Variants in ANKRD31 observed in about 807,000 individuals in gnomAD.
ANKRD31 encodes the protein ankyrin repeat domain 31, also known as ankyrin repeat domain-containing protein 31.
Under a neutral mutation model 186.0 loss-of-function variants are expected in ANKRD31, and 147 were observed. That is an observed-to-expected ratio of 0.79 (90% CI 0.69 to 0.91). The LOEUF is 0.91. Ranked by LOEUF, ANKRD31 falls within the 40% of genes least tolerant of loss-of-function variation. The pLI is 0.00. For missense variants in ANKRD31, 1,986 were observed against 2,148.8 expected (o/e 0.92, Z 1.50); for synonymous variants, 673 against 736.4 (o/e 0.91, Z 1.39).
intron 22 of ANKRD31, among the ~76,000 whole-genome samples, chr5:75,098,303 T>C (rs1236086158): frequency 6.6e-6 from 1 of 152,196 alleles, no homozygotes; most frequent in Non-Finnish European, 1.5e-5. Flanking sequence ...TCTGTTTTGG[T>C]ACCAGTACCA....
rs768237186 is a variant in ANKRD31 at position 75,104,425 on chromosome 5, G to A, written c.5134C>T (p.Leu1712Phe). Residue 1712 changes from leucine to phenylalanine, a missense_variant, in exon 22 of 26, where the codon CTT becomes TTT. Coordinates refer to ENST00000506364, the MANE Select transcript of ANKRD31 (RefSeq NM_001372053.1). ...GGAACAACAGAAACTGATTTTTTAA[G>A]ATATGGTTTCATCTGATGCACTGTA... Reference protein sequence around the residue: ...SDTVHQMKPYLKKSVSVVPCA... With the variant: ...SDTVHQMKPYFKKSVSVVPCA... 1.1e-5 allele frequency: 17 copies of A among 1,537,064 alleles called. No homozygotes were observed. The East Asian group carries it at 1.2e-4, about 11-fold the overall frequency.
intron 15 of ANKRD31, among the ~76,000 whole-genome samples, chr5:75,140,327 A>AAGGAAGGAAGGT (rs1561469144): frequency 6.6e-6 from 1 of 150,724 alleles, no homozygotes; most frequent in Non-Finnish European, 1.5e-5. Flanking sequence ...GGAAGGAAGG[A>AAGGAAGGAAGGT]AGGTAGGAAG....
intron 17 of ANKRD31, among the ~76,000 whole-genome samples, chr5:75,122,021 T>C (rs1180818627): frequency 6.6e-6 from 1 of 151,916 alleles, no homozygotes; most frequent in African/African-American, 2.4e-5. Context: ...GATCACTGAA[T>C]TGAAAAGTCA....
intron 4 of ANKRD31, among the ~76,000 whole-genome samples, chr5:75,208,543 C>A (rs1756401745): frequency 6.6e-6 from 1 of 152,064 alleles, no homozygotes; most frequent in African/African-American, 2.4e-5. Context: ...AAAATCCCCT[C>A]CCTAGGAATC....
chr5:75,100,074 C>T (rs1309493390), intron 22 of ANKRD31, among the ~76,000 whole-genome samples: 1 of 152,152 alleles, frequency 6.6e-6, no homozygotes, highest in African/African-American at 2.4e-5. Context: ...CTATAAATTT[C>T]CCTCTACACA....
At chr5:75,136,055 TA>T (rs1246737811) in intron 17 of ANKRD31, among the ~76,000 whole-genome samples, 2 of 151,928 alleles carry the variant, frequency 1.3e-5, no homozygotes, top group Non-Finnish European at 2.9e-5. Flanking sequence ...CCTAAAACCA[TA>T]AAAACCGCAG....
chr5:75,162,375 A>G (rs1030235857), intron 11 of ANKRD31, among the ~76,000 whole-genome samples: 3 of 152,046 alleles, frequency 2.0e-5, no homozygotes, highest in Non-Finnish European at 2.9e-5. Flanking sequence ...ATTTTGGCCA[A>G]TTTCTCTCAT....
chr5:75,232,532 C>T (rs1233269474), intron 1 of ANKRD31, among the ~76,000 whole-genome samples: 1 of 151,068 alleles, frequency 6.6e-6, no homozygotes, highest in Admixed American at 6.6e-5. Context: ...GGGATTACAG[C>T]TGTGAGCGAC....
chr5:75,095,787 T>G (rs1746274045), intron 22 of ANKRD31, among the ~76,000 whole-genome samples: 1 of 152,166 alleles, frequency 6.6e-6, no homozygotes, highest in Non-Finnish European at 1.5e-5. Context: ...AATTTATAAA[T>G]TAAACTTTAT....
Position 75,147,092 on chromosome 5 carries a change from A to G in ANKRD31, c.2319T>C (p.His773=), listed in dbSNP as rs148791722. 23 of 1,536,360 alleles carry G rather than the reference A, an allele frequency of 1.5e-5. No homozygotes were observed. Among genetic ancestry groups the G allele is most frequent in the Non-Finnish European group, 1.9e-5 (22 of 1,146,354 alleles). ...VTYQQHIPET[H]NDLPEELCEP... ...CACACAATTCTTCTGGAAGGTCATT[A>G]TGAGTTTCTGGAATATGCTGCTGAT... The change falls in exon 14 of 26, where the codon CAT becomes CAC. Residue 773 remains histidine, a synonymous_variant. Transcript: ENST00000506364.
At chr5:75,116,772 AGTCAAGTCTG>A (rs933309203) in intron 18 of ANKRD31, 91 bp from the exon 19 acceptor site, 439 of 606,582 alleles carry the variant, frequency 7.2e-4, no homozygotes, top group African/African-American at 6.0e-3. Flanking sequence ...GAGAAGGATA[AGTCAAGTCTG>A]CAACTATTAT....
intron 12 of ANKRD31, among the ~76,000 whole-genome samples, chr5:75,153,578 A>G (rs989692675): frequency 1.6e-4 from 24 of 152,222 alleles, no homozygotes; most frequent in African/African-American, 5.5e-4. Context: ...TGGCCAGCTG[A>G]TAACAGGAAC....
intron 22 of ANKRD31, among the ~76,000 whole-genome samples, chr5:75,096,930 G>A (rs1160735021): frequency 2.0e-5 from 3 of 151,146 alleles, no homozygotes; most frequent in African/African-American, 4.9e-5. Context: ...CTGTCCTTGC[G>A]ATAATTTGCT....
At chr5:75,115,695 A>G (rs1748176331) in intron 19 of ANKRD31, among the ~76,000 whole-genome samples, 1 of 152,068 alleles carries the variant, frequency 6.6e-6, no homozygotes, top group African/African-American at 2.4e-5. Context: ...AATGCAAATC[A>G]AAACCACAAT....
chr5:75,125,158 A>T (rs1382270325), intron 17 of ANKRD31, among the ~76,000 whole-genome samples: 1 of 152,168 alleles, frequency 6.6e-6, no homozygotes, highest in African/African-American at 2.4e-5. Flanking sequence ...AACTAGCTCC[A>T]TAATACCCTG....
At chr5:75,155,550 C>T (rs924453214) in intron 11 of ANKRD31, among the ~76,000 whole-genome samples, 12 of 152,066 alleles carry the variant, frequency 7.9e-5, no homozygotes, top group Non-Finnish European at 1.8e-4. Context: ...TTCCCAGAGA[C>T]TATCTTAGTA....
chr5:75,090,930 C>T (rs575890710), intron 23 of ANKRD31, among the ~76,000 whole-genome samples: 4 of 152,116 alleles, frequency 2.6e-5, no homozygotes, highest in African/African-American at 7.2e-5. Context: ...ATTTTCCATA[C>T]AAAGACCTGA....
intron 11 of ANKRD31, among the ~76,000 whole-genome samples, chr5:75,156,581 T>A (rs983890300): frequency 6.6e-6 from 1 of 152,166 alleles, no homozygotes; most frequent in Non-Finnish European, 1.5e-5. Context: ...GCAAATATGA[T>A]TAAGTTAAGG....
chr5:75,087,008 T>C (rs1442625958), intron 23 of ANKRD31, among the ~76,000 whole-genome samples: 7 of 152,222 alleles, frequency 4.6e-5, no homozygotes, highest in Admixed American at 3.3e-4. Context: ...TGGTAAGGTC[T>C]TTGGAAGAAA....
Sources: allele counts gnomAD v4.1 joint callset (sites outside exome capture counted in the v4.1 genomes callset), GRCh38; gene constraint gnomAD v4.1.1; transcripts MANE v1.5; gene names NCBI Gene and HGNC (gene_info 2026-07-23, HGNC 2026-07-21).